Variants in SELENOF observed in about 807,000 individuals in gnomAD.
The protein encoded by SELENOF is selenoprotein F.
Under a neutral mutation model 20.5 loss-of-function variants are expected in SELENOF, and 16 were observed. That is an observed-to-expected ratio of 0.78 (90% CI 0.53 to 1.19). The LOEUF is 1.19. Among genes scored for constraint, SELENOF ranks in the 50% most tolerant of loss-of-function variants. The pLI, the probability that SELENOF is intolerant of heterozygous loss-of-function variation, is 0.00. For synonymous variants in SELENOF, 78 were observed against 74.5 expected, an observed-to-expected ratio of 1.05 and a Z score of -0.24; for missense variants, 215 against 194.2, an observed-to-expected ratio of 1.11 and a Z score of -0.64.
At chr1:86,899,269 T>C (rs974015731) in intron 2 of SELENOF, among the ~76,000 whole-genome samples, 1 of 151,206 alleles carries the variant, frequency 6.6e-6, no homozygotes, top group African/African-American at 2.5e-5. Flanking sequence ...ACCACCATTG[T>C]CATCATGGCC....
chr1:86,886,339 G>A (rs1409005652), intron 2 of SELENOF, among the ~76,000 whole-genome samples: 1 of 152,020 alleles, frequency 6.6e-6, no homozygotes, highest in Non-Finnish European at 1.5e-5. Flanking sequence ...TTGCAAAATG[G>A]TAAAACAGTA....
intron 2 of SELENOF, among the ~76,000 whole-genome samples, chr1:86,901,338 G>A (rs1659701050): frequency 1.3e-5 from 2 of 151,916 alleles, no homozygotes; most frequent in South Asian, 4.1e-4. Flanking sequence ...ATCTAAATGG[G>A]AGGATTGCCC....
intron 3 of SELENOF, among the ~76,000 whole-genome samples, chr1:86,870,784 A>G (rs969584516): frequency 6.6e-6 from 1 of 152,052 alleles, no homozygotes; most frequent in Non-Finnish European, 1.5e-5. Flanking sequence ...ACGCACAGCT[A>G]ATTTTTTTTT....
rs866508273 is a variant in SELENOF, at chr1:86,903,275, C to T, written c.252+6G>A. ...CCAATGGAAGGAATATACTAGAAAACAGTACCTTTTTGGTTTCAAATTGTG... is the reference window on the plus strand; with the variant it reads ...CCAATGGAAGGAATATACTAGAAAATAGTACCTTTTTGGTTTCAAATTGTG... On this transcript the variant is annotated splice_donor_region_variant and intron_variant, in intron 2 of 4. Transcript: ENST00000331835. The T allele has an allele frequency of 6.2e-7, 1 of 1,605,638 alleles. No individual in the cohort carries two copies. The highest frequency in any genetic ancestry group is 1.7e-4 in the Middle Eastern group (1 of 6,048).
intron 3 of SELENOF, among the ~76,000 whole-genome samples, chr1:86,873,085 AAAT>A (rs1658825294): frequency 9.1e-6 from 1 of 110,414 alleles, no homozygotes. Flanking sequence ...ATAAATAAAT[AAAT>A]AAATAAAATA....
intron 1 of SELENOF, among the ~76,000 whole-genome samples, chr1:86,908,207 A>T (rs1659880037): frequency 6.6e-6 from 1 of 152,206 alleles, no homozygotes; most frequent in Non-Finnish European, 1.5e-5. Context: ...ACTGGTCTTT[A>T]TAACTTTCAG....
At chr1:86,891,337 C>T (rs1194178540) in intron 2 of SELENOF, among the ~76,000 whole-genome samples, 9 of 151,786 alleles carry the variant, frequency 5.9e-5, no homozygotes, top group African/African-American at 2.2e-4. Context: ...GTGTGAGTCA[C>T]CACACCTGGC....
upstream of SELENOF, chr1:86,914,255 G>A: frequency 1.4e-6 from 1 of 708,254 alleles, no homozygotes; most frequent in South Asian, 1.6e-5. Context: ...GCATATGAAA[G>A]CTTAAAAGTC....
At chr1:86,879,413 T>C (rs955569600) in intron 3 of SELENOF, among the ~76,000 whole-genome samples, 1 of 152,230 alleles carries the variant, frequency 6.6e-6, no homozygotes, top group Non-Finnish European at 1.5e-5. Context: ...TTTGATTAGA[T>C]ATGTATCTGC....
chr1:86,887,051 ATAT>A, intron 2 of SELENOF: 2 of 1,239,100 alleles, frequency 1.6e-6, no homozygotes, highest in South Asian at 2.5e-5. Flanking sequence ...CTCAGGGAAA[ATAT>A]TATCACCTAA....
At chr1:86,880,544 ATTG>A in intron 3 of SELENOF, 115 bp downstream of exon 3, 1 of 556,430 alleles carries the variant, frequency 1.8e-6, no homozygotes, top group Non-Finnish European at 3.1e-6. Context: ...AAAAGCATAT[ATTG>A]TTAAGAAAGT....
chr1:86,882,247 C>CAAAAAAAAAAAAAAA (rs61037512), intron 2 of SELENOF, among the ~76,000 whole-genome samples: 18 of 61,878 alleles, frequency 2.9e-4, no homozygotes, highest in Non-Finnish European at 4.3e-4. Context: ...GACTCTGTCT[C>CAAAAAAAAAAAAAAA]AAAAAAAAAA....
intron 2 of SELENOF, among the ~76,000 whole-genome samples, chr1:86,897,132 C>G (rs551376494): frequency 6.6e-6 from 1 of 152,050 alleles, no homozygotes; most frequent in African/African-American, 2.4e-5. Flanking sequence ...ATGATGGAAC[C>G]CTGTCTCTAC....
chr1:86,899,455 G>A (rs572136583), intron 2 of SELENOF, among the ~76,000 whole-genome samples: 3 of 127,948 alleles, frequency 2.3e-5, no homozygotes, highest in Non-Finnish European at 4.9e-5. Flanking sequence ...GCGGCTGGCC[G>A]GGCAGAGGGG....
rs139421834 is a variant in SELENOF at position 86,878,508 on chromosome 1, C to T, written c.316+2154G>A. Among the ~76,000 whole-genome samples the T allele has an allele frequency of 3.3e-3, 503 of 152,236 alleles. 1 individual carries two copies. Among genetic ancestry groups the T allele is most frequent in the African/African-American group, 0.011 (468 of 41,526 alleles). On this transcript the variant is annotated intron_variant, in intron 3 of 4. Transcript: ENST00000331835. ...CAGCCTGGCCAACATGGCAAAACCC[C>T]GCCTCTACTAAAAATAAAAATAAAT...
chr1:86,897,769 G>C (rs1659563721), intron 2 of SELENOF, among the ~76,000 whole-genome samples: 1 of 152,216 alleles, frequency 6.6e-6, no homozygotes, highest in Non-Finnish European at 1.5e-5. Context: ...AAGCCAGTCA[G>C]TAGTGAGACA....
chr1:86,869,456 T>A (rs534368589), intron 3 of SELENOF, among the ~76,000 whole-genome samples: 1 of 152,328 alleles, frequency 6.6e-6, no homozygotes, highest in East Asian at 1.9e-4. Context: ...CCTACTGTTG[T>A]TTTAAAAAGG....
At chr1:86,912,774 C>T (rs1412189510) in intron 1 of SELENOF, among the ~76,000 whole-genome samples, 2 of 152,096 alleles carry the variant, frequency 1.3e-5, no homozygotes, top group African/African-American at 2.4e-5. Context: ...ATAAATGAGG[C>T]CAGGGGAAAA....
intron 2 of SELENOF, among the ~76,000 whole-genome samples, chr1:86,896,924 T>C (rs1263362406): frequency 6.6e-6 from 1 of 152,204 alleles, no homozygotes; most frequent in Non-Finnish European, 1.5e-5. Context: ...TTCCAACTTG[T>C]TCTTAGTAAA....
Sources: allele counts gnomAD v4.1 joint callset (sites outside exome capture counted in the v4.1 genomes callset), GRCh38; gene constraint gnomAD v4.1.1; transcripts MANE v1.5; gene names NCBI Gene and HGNC (gene_info 2026-07-23, HGNC 2026-07-21).